Variants in RELT observed in about 807,000 individuals in gnomAD.
The protein encoded by RELT is tumor necrosis factor receptor superfamily member 19L.
In RELT, 37 loss-of-function variants were observed where a neutral mutation model predicts 51.1. The observed-to-expected ratio is 0.72, with a 90% confidence interval of 0.56 to 0.95. The LOEUF (loss-of-function observed/expected upper bound fraction) is 0.95. Ranked by LOEUF, RELT falls within the 40% of genes least tolerant of loss-of-function variation. The pLI is 0.00. For missense variants in RELT, 535 were observed against 572.6 expected, an observed-to-expected ratio of 0.93 and a Z score of 0.67; for synonymous variants, 241 against 235.7, an observed-to-expected ratio of 1.02 and a Z score of -0.21.
In RELT at chr11:73,395,779, A is replaced by C. The variant is rs1252939137; in HGVS notation, c.*288A>C. 8 of 520,964 alleles carry C rather than the reference A, an allele frequency of 1.5e-5. No homozygotes were observed. The Admixed American group carries it at 2.7e-4, about 17-fold the overall frequency. The allele number at this position is 520,964 out of a possible 1,614,324, so 32.3% of individuals were successfully genotyped here. A position where few individuals can be genotyped will look rare whatever the true frequency, so the allele number is the denominator to read the frequency against. On this transcript the variant is annotated 3_prime_UTR_variant, in exon 11 of 11. Transcript: ENST00000064780. ...GTGCCTGCCCTGGCTGGATCCTAGG[A>C]GCCCACGGGATTCTCTGTATCATCA...
chr11:73,379,842 G>A (rs1028632193), intron 1 of RELT, among the ~76,000 whole-genome samples: 1 of 152,240 alleles, frequency 6.6e-6, no homozygotes, highest in Non-Finnish European at 1.5e-5. Context: ...CCTACAAAGT[G>A]TAGTTCAAAC....
chr11:73,394,977 C>A lies in RELT; in HGVS notation c.1047-110C>A. ...TGGCCCCCATGGCACCCGGGCCTCT[C>A]AGGCTAAGGCTCTGGTCCATGAACT... On this transcript the variant is annotated intron_variant, in intron 9 of 10. Coordinates refer to ENST00000064780, the MANE Select transcript of RELT (RefSeq NM_152222.2). The surrounding 1 kb of genome is among the most constrained non-coding windows in gnomAD (Gnocchi z 4.9). The A allele has an allele frequency of 1.9e-6, 2 of 1,071,354 alleles. No individual in the cohort carries two copies. The highest frequency in any genetic ancestry group is 2.7e-6 in the Non-Finnish European group (2 of 727,330). 66.4% of individuals were successfully genotyped at this position (1,071,354 alleles called of 1,614,324 possible). A position where few individuals can be genotyped will look rare whatever the true frequency, so the allele number is the denominator to read the frequency against.
intron 3 of RELT, 41 bp downstream of exon 3, chr11:73,390,666 C>A (rs1403989564): frequency 4.3e-6 from 7 of 1,611,660 alleles, no homozygotes; most frequent in Non-Finnish European, 5.9e-6. Context: ...TGGGAGGGCC[C>A]TGAGGGCCAG....
intron 5 of RELT, 78 bp from the exon 6 acceptor site, chr11:73,392,133 A>C: frequency 6.6e-7 from 1 of 1,506,306 alleles, no homozygotes; most frequent in Non-Finnish European, 9.0e-7. Flanking sequence ...GCCCCCACTG[A>C]CTCGGGCCCT....
chr11:73,393,473 A>AGTT, intron 6 of RELT: 1 of 1,215,250 alleles, frequency 8.2e-7, no homozygotes, highest in Non-Finnish European at 1.0e-6. Flanking sequence ...AGATTTGGGG[A>AGTT]GTTCTGGGTA....
chr11:73,389,115 G>T lies in RELT; in HGVS notation c.-22G>T. ...GCCTCCTCTCCATCTGCCCTAGGCC[G>T]GCGACCACCAGGGGCCTGAGGATGA... On this transcript the variant is annotated 5_prime_UTR_variant, in exon 2 of 11. Transcript: ENST00000064780. 6.5e-7 allele frequency: 1 copy of T among 1,537,874 alleles called. No homozygotes were observed.
At chr11:73,383,236 G>T (rs1245626064) in intron 1 of RELT, among the ~76,000 whole-genome samples, 1 of 152,186 alleles carries the variant, frequency 6.6e-6, no homozygotes, top group Non-Finnish European at 1.5e-5. Flanking sequence ...TCACTGAGTG[G>T]CCCTGAGCCA....
chr11:73,385,653 G>A (rs372527683), intron 1 of RELT, among the ~76,000 whole-genome samples: 20 of 152,256 alleles, frequency 1.3e-4, no homozygotes, highest in African/African-American at 4.3e-4. Flanking sequence ...CTTAATCACA[G>A]CCCTCTGCCA....
At chr11:73,395,336 G>A (rs535348413) in intron 10 of RELT, 51 bp downstream of exon 10, 81 of 1,591,390 alleles carry the variant, frequency 5.1e-5, no homozygotes, top group African/African-American at 8.1e-5. Flanking sequence ...AACCCTGACC[G>A]AAGACGGGGC....
At chr11:73,390,230 C>T (rs1405813630) in intron 2 of RELT, among the ~76,000 whole-genome samples, 4 of 152,106 alleles carry the variant, frequency 2.6e-5, no homozygotes, top group Non-Finnish European at 4.4e-5. Context: ...AGAGAGGATT[C>T]GGAAGCATTT....
intron 1 of RELT, among the ~76,000 whole-genome samples, chr11:73,381,962 C>T (rs144101379): frequency 1.5e-3 from 222 of 152,280 alleles, no homozygotes; most frequent in East Asian, 6.7e-3. Flanking sequence ...CTCTGGCCCT[C>T]GTGGAGCTGT....
At chr11:73,389,885 A>G (rs561630731) in intron 2 of RELT, among the ~76,000 whole-genome samples, 2 of 152,308 alleles carry the variant, frequency 1.3e-5, no homozygotes, top group East Asian at 3.9e-4. Flanking sequence ...GGACTCTAGG[A>G]GGGATTCAGG....
rs1565224410 is a variant in RELT at position 73,394,545 on chromosome 11, G to T, written c.857G>T (p.Gly286Val). 1.2e-6 allele frequency: 2 copies of T among 1,611,846 alleles called. No homozygotes were observed. Among genetic ancestry groups the T allele is most frequent in the East Asian group, 2.2e-5 (1 of 44,880 alleles). Residue 286 changes from glycine (G) to valine (V), a missense_variant, in exon 9 of 11, where the codon GGC (glycine) becomes GTC (valine). Coordinates refer to ENST00000064780, the MANE Select transcript of RELT (RefSeq NM_152222.2). This position sits in a 1 kb window ranked among gnomAD's most constrained non-coding sequence, Gnocchi z 4.9. Reference protein sequence around the residue: ...PHRHHLHTVQGLASLSGPCCS... With the variant: ...PHRHHLHTVQVLASLSGPCCS... ...CGCCACCATCTCCACACCGTGCAGGGCCTGGCCTCGCTCTCTGGCCCCTGC... is the reference window on the plus strand; with the variant it reads ...CGCCACCATCTCCACACCGTGCAGGTCCTGGCCTCGCTCTCTGGCCCCTGC...
chr11:73,391,222 T>A lies in RELT; in HGVS notation c.366T>A (p.Asp122Glu). ...CACCTCTGGGTACTCATGGCTGTGA[T>A]GGTGAGTGGCAGACTGGGGCTAGGA... ...SWAPLGTHGC[D>E]EWGRRARRGV... Residue 122 changes from aspartate to glutamate, a missense_variant and splice_region_variant, in exon 5 of 11, where the codon GAT becomes GAA. Transcript: ENST00000064780. 1 of 1,613,564 alleles carries A rather than the reference T, an allele frequency of 6.2e-7. No homozygotes were observed. The highest frequency in any genetic ancestry group is 8.5e-7 in the Non-Finnish European group (1 of 1,179,706).
At chr11:73,384,565 C>G (rs1565219534) in intron 1 of RELT, 2 of 152,502 alleles carry the variant, frequency 1.3e-5, no homozygotes, top group African/African-American at 4.8e-5. Flanking sequence ...AGGCAGGCCA[C>G]AGAGCCAGTG....
At position 73,389,115 on chromosome 11, in the gene RELT, G is replaced by A. The variant is rs572634129; in HGVS notation, c.-22G>A. The A allele has an allele frequency of 2.3e-5, 36 of 1,537,874 alleles. No individual in the cohort carries two copies. Among genetic ancestry groups the A allele is most frequent in the South Asian group, 1.9e-4 (16 of 83,914 alleles). ...GCCTCCTCTCCATCTGCCCTAGGCCGGCGACCACCAGGGGCCTGAGGATGA... is the reference window on the plus strand; with the variant it reads ...GCCTCCTCTCCATCTGCCCTAGGCCAGCGACCACCAGGGGCCTGAGGATGA... On this transcript the variant is annotated 5_prime_UTR_variant, in exon 2 of 11. Transcript: ENST00000064780.
chr11:73,395,498 G>C lies in RELT; in HGVS notation c.*7G>C. On this transcript the variant is annotated 3_prime_UTR_variant, in exon 11 of 11. Transcript: ENST00000064780. ...GAGCAACCTGGTCATCTGAGGGGCGGTCTAGTCTAAGGACACTGCGGCCCT... is the reference window on the plus strand; with the variant it reads ...GAGCAACCTGGTCATCTGAGGGGCGCTCTAGTCTAAGGACACTGCGGCCCT... 1 of 788,192 alleles carries C rather than the reference G, an allele frequency of 1.3e-6. No homozygotes were observed. Among genetic ancestry groups the C allele is most frequent in the East Asian group, 2.4e-5 (1 of 41,278 alleles). 48.8% of individuals were successfully genotyped at this position (788,192 alleles called of 1,614,324 possible). A position where few individuals can be genotyped will look rare whatever the true frequency, so the allele number is the denominator to read the frequency against.
intron 1 of RELT, among the ~76,000 whole-genome samples, chr11:73,385,415 G>C (rs1368776893): frequency 6.6e-6 from 1 of 152,218 alleles, no homozygotes; most frequent in African/African-American, 2.4e-5. Context: ...TCTGGCCGTG[G>C]CCTTTGCTAG....
Position 73,394,507 on chromosome 11 carries a change from C to T in RELT, c.819C>T (p.His273=), listed in dbSNP as rs1450380619. 3.7e-6 allele frequency: 6 copies of T among 1,610,632 alleles called. No individual in the cohort carries two copies. In the South Asian group the frequency reaches 5.5e-5, roughly 15 times the overall value. The change falls in exon 9 of 11, where the codon CAC becomes CAT. Residue 273 remains histidine, a synonymous_variant. Transcript: ENST00000064780. This position sits in a 1 kb window ranked among gnomAD's most constrained non-coding sequence, Gnocchi z 4.9. ...CGCCAGCGCCCCCGAACGTGCCACA[C>T]ATCTGCCCGCACCGCCACCATCTCC... ...KLPPAPPNVP[H]ICPHRHHLHT...
Sources: allele counts gnomAD v4.1 joint callset (sites outside exome capture counted in the v4.1 genomes callset), GRCh38; gene constraint gnomAD v4.1.1; non-coding constraint Gnocchi (gnomAD v3.1); transcripts MANE v1.5; gene names NCBI Gene and HGNC (gene_info 2026-07-23, HGNC 2026-07-21).